The following RYR2 variants were observed in gnomAD, a reference collection of about 807,000 sequenced individuals.
RYR2 encodes the protein ryanodine receptor 2.
RYR2 carries 227 observed loss-of-function variants against 601.1 expected under a neutral mutation model. That is an observed-to-expected ratio of 0.38 (90% CI 0.34 to 0.42). The LOEUF is 0.42. Among genes scored for constraint, RYR2 ranks in the 10% least tolerant of loss-of-function variants. The pLI is 1.00. For synonymous variants in RYR2, 2,223 were observed against 2,175.1 expected (o/e 1.02, Z -0.61); for missense variants, 4,646 against 6,156.5 (o/e 0.75, Z 8.21).
At chr1:237,553,661 A>G (rs2148135828) in intron 27 of RYR2, among the ~76,000 whole-genome samples, 1 of 152,022 alleles carries the variant, frequency 6.6e-6, no homozygotes, top group African/African-American at 2.4e-5. Context: ...TAGTCGACCA[A>G]TTCATGAACA....
At chr1:237,831,303 G>A (rs981215682) in intron 103 of RYR2, among the ~76,000 whole-genome samples, 7 of 152,128 alleles carry the variant, frequency 4.6e-5, no homozygotes, top group African/African-American at 1.7e-4. Context: ...TTCCTAACTT[G>A]AAGCCTCTAG....
rs866879681 is a variant in RYR2 at position 237,633,177 on chromosome 1, A to G, written c.6556-401A>G. Reference sequence around the variant, plus strand: ...TATATATTTTTCAGAAATCAGCTCAATGAATTCACTCCCCTGCCCCTTACC... The same window carrying G: ...TATATATTTTTCAGAAATCAGCTCAGTGAATTCACTCCCCTGCCCCTTACC... On this transcript the variant is annotated intron_variant, in intron 42 of 104. Transcript: ENST00000366574. Among the ~76,000 whole-genome samples the G allele has an allele frequency of 2.6e-5, 4 of 152,230 alleles. No individual in the cohort carries two copies. The South Asian group carries it at 8.3e-4, about 32-fold the overall frequency.
chr1:237,745,669 C>T (rs975536903), intron 80 of RYR2, among the ~76,000 whole-genome samples: 1 of 152,162 alleles, frequency 6.6e-6, no homozygotes, highest in Admixed American at 6.5e-5. Flanking sequence ...TCAGGCCAGA[C>T]TAAGGACAAG....
chr1:237,616,464 C>T (rs1056182470), intron 37 of RYR2, among the ~76,000 whole-genome samples: 1 of 152,142 alleles, frequency 6.6e-6, no homozygotes, highest in Non-Finnish European at 1.5e-5. Context: ...TCAATGATCT[C>T]ATCCATAACC....
At chr1:237,605,982 G>A (rs1677078810) in intron 35 of RYR2, among the ~76,000 whole-genome samples, 1 of 151,474 alleles carries the variant, frequency 6.6e-6, no homozygotes, top group African/African-American at 2.4e-5. Flanking sequence ...CATGAAAATG[G>A]CCATACTGCC....
intron 87 of RYR2, among the ~76,000 whole-genome samples, chr1:237,776,752 C>T (rs1694694685): frequency 6.6e-6 from 1 of 152,056 alleles, no homozygotes; most frequent in African/African-American, 2.4e-5. Flanking sequence ...TCTTCCGGGG[C>T]ACATGTAATC....
intron 1 of RYR2, among the ~76,000 whole-genome samples, chr1:237,138,584 T>C (rs1259711963): frequency 6.6e-6 from 1 of 152,168 alleles, no homozygotes; most frequent in Non-Finnish European, 1.5e-5. Flanking sequence ...TCAGATGAAG[T>C]TTATGAAACC....
At chr1:237,321,425 C>T (rs193144680) in intron 2 of RYR2, among the ~76,000 whole-genome samples, 1 of 152,020 alleles carries the variant, frequency 6.6e-6, no homozygotes, top group African/African-American at 2.4e-5. Context: ...TAACTTGGAG[C>T]CCAACTTCCC....
chr1:237,200,404 A>T (rs927479488), intron 1 of RYR2, among the ~76,000 whole-genome samples: 7 of 151,922 alleles, frequency 4.6e-5, no homozygotes, highest in African/African-American at 1.7e-4. Context: ...AGCTGGGATT[A>T]CAGGCGCCCA....
At chr1:237,098,379 TTGTGTGTATGTGTGTGTGTGTG>T (rs1256024327) in intron 1 of RYR2, among the ~76,000 whole-genome samples, 38 of 58,802 alleles carry the variant, frequency 6.5e-4, no homozygotes, top group African/African-American at 1.3e-3. Context: ...ATAGTTGCCA[TTGTGTGTATGTGTGTGTGTGTG>T]TGTGTGTGTG....
chr1:237,176,858 T>G (rs1476132214), intron 1 of RYR2, among the ~76,000 whole-genome samples: 1 of 152,188 alleles, frequency 6.6e-6, no homozygotes. Context: ...TGTGTGAAAG[T>G]GTAGTAGAAG....
chr1:237,538,732 C>G (rs1325664955), intron 25 of RYR2, among the ~76,000 whole-genome samples: 2 of 151,838 alleles, frequency 1.3e-5, no homozygotes, highest in Non-Finnish European at 2.9e-5. Flanking sequence ...GATCATACCA[C>G]TGCACTCCAG....
Position 237,709,024 on chromosome 1 carries a change from A to G in RYR2, c.10068A>G (p.Leu3356=). ...TGTCGGAGGCAGAACTCCTCATCCT[A>G]GATGAGTTCACCACACTGGCCAGAG... ...GDMSEAELLI[L]DEFTTLARDL... Residue 3356 remains leucine, a synonymous_variant, in exon 69 of 105, where the codon CTA becomes CTG. Coordinates refer to ENST00000366574, the MANE Select transcript of RYR2 (RefSeq NM_001035.3). The G allele has an allele frequency of 1.2e-6, 2 of 1,611,292 alleles. No homozygotes were observed. Among genetic ancestry groups the G allele is most frequent in the Non-Finnish European group, 1.7e-6 (2 of 1,177,434 alleles).
intron 12 of RYR2, among the ~76,000 whole-genome samples, chr1:237,424,352 A>T (rs527722576): frequency 6.6e-6 from 1 of 152,346 alleles, no homozygotes; most frequent in Non-Finnish European, 1.5e-5. Context: ...ATCTAGGTAT[A>T]GGCATCTTCA....
Position 237,098,538 on chromosome 1 carries a change from G to A in RYR2, c.48+55969G>A, listed in dbSNP as rs544966354. On this transcript the variant is annotated intron_variant, in intron 1 of 104. Transcript: ENST00000366574. ...ATGAAGAAACAATCTAAGTGCCTAA[G>A]GCTGGATGAATGGATAAAGAAAATG... is the stretch of plus-strand genomic sequence containing the variant. 9.2e-5 allele frequency among the ~76,000 whole-genome samples: 14 copies of A among 152,190 alleles called. 1 individual carries two copies. The highest frequency in any genetic ancestry group is 2.9e-4 in the African/African-American group (12 of 41,520).
At chr1:237,797,401 T>TACTC (rs1393601465) in intron 96 of RYR2, among the ~76,000 whole-genome samples, 1 of 152,130 alleles carries the variant, frequency 6.6e-6, no homozygotes, top group Non-Finnish European at 1.5e-5. Context: ...GGGGTCAGGA[T>TACTC]ACTCAGGGGA....
At chr1:237,147,106 G>A (rs1403681180) in intron 1 of RYR2, among the ~76,000 whole-genome samples, 3 of 152,114 alleles carry the variant, frequency 2.0e-5, no homozygotes, top group Non-Finnish European at 2.9e-5. Flanking sequence ...AAATATAGAT[G>A]TGAAATCTCA....
intron 1 of RYR2, among the ~76,000 whole-genome samples, chr1:237,136,984 T>C (rs1672858529): frequency 1.6e-5 from 2 of 125,346 alleles, no homozygotes; most frequent in South Asian, 2.6e-4. Context: ...GCCACTGCAC[T>C]CCAGCCTGGG....
intron 25 of RYR2, among the ~76,000 whole-genome samples, chr1:237,546,011 A>G (rs1047632089): frequency 6.6e-6 from 1 of 151,040 alleles, no homozygotes; most frequent in Non-Finnish European, 1.5e-5. Flanking sequence ...TATATATTCT[A>G]AAATAAAAGA....
Sources: gnomAD v4.1 joint callset for allele counts (sites outside exome capture counted in the v4.1 genomes callset) on GRCh38, gnomAD v4.1.1 for gene constraint, MANE v1.5 for transcripts, NCBI Gene and HGNC (gene_info 2026-07-23, HGNC 2026-07-21) for gene names.